The following GLIS3 variants were observed in gnomAD, a reference collection of about 807,000 sequenced individuals.
GLIS3 encodes the protein zinc finger protein GLIS3.
Under a neutral mutation model 78.6 loss-of-function variants are expected in GLIS3, and 53 were observed. The observed-to-expected ratio is 0.67, with a 90% confidence interval of 0.54 to 0.85. GLIS3 has a LOEUF of 0.85. Ranked by LOEUF, GLIS3 falls within the 40% of genes least tolerant of loss-of-function variation. GLIS3 has a pLI of 0.00. For synonymous variants in GLIS3, 684 were observed against 509.9 expected, an observed-to-expected ratio of 1.34 and a Z score of -4.60; for missense variants, 1,703 against 1,231.1, an observed-to-expected ratio of 1.38 and a Z score of -5.74.
chr9:4,163,105 TAAAG>T (rs1291042432), intron 2 of GLIS3, among the ~76,000 whole-genome samples: 1 of 151,968 alleles, frequency 6.6e-6, no homozygotes, highest in African/African-American at 2.4e-5. Flanking sequence ...CACTAGAAAA[TAAAG>T]AAACTCAAGT....
chr9:4,364,756 CTTTTTTT>C, the GLIS3 span, among the ~76,000 whole-genome samples: 55 of 61,104 alleles, frequency 9.0e-4, 1 homozygote, highest in East Asian at 3.6e-3. Context: ...TCATGTATTG[CTTTTTTT>C]TTTTTTTTTT....
At chr9:3,970,731 C>T (rs912112506) in intron 4 of GLIS3, among the ~76,000 whole-genome samples, 1 of 152,154 alleles carries the variant, frequency 6.6e-6, no homozygotes, top group Non-Finnish European at 1.5e-5. Context: ...ACCTCTCACT[C>T]AGCACAGTTC....
chr9:4,151,762 G>T (rs1223863999), intron 2 of GLIS3, among the ~76,000 whole-genome samples: 1 of 152,110 alleles, frequency 6.6e-6, no homozygotes, highest in Non-Finnish European at 1.5e-5. Flanking sequence ...AGAGTCCTGT[G>T]GCACAGAGAC....
At chr9:4,183,103 C>T (rs7040304) in intron 2 of GLIS3, among the ~76,000 whole-genome samples, 89,265 of 152,028 alleles carry the variant, frequency 0.59, 26,462 homozygotes, top group East Asian at 0.72. Context: ...CTGGAGAGGA[C>T]TGAAAAGACA....
the GLIS3 span, among the ~76,000 whole-genome samples, chr9:4,403,262 A>G: frequency 2.0e-5 from 3 of 152,322 alleles, no homozygotes; most frequent in African/African-American, 7.2e-5. Flanking sequence ...GACAAACAAA[A>G]GCTGAGGGAT....
At chr9:4,129,741 G>T (rs559103847) in intron 2 of GLIS3, among the ~76,000 whole-genome samples, 1 of 152,148 alleles carries the variant, frequency 6.6e-6, no homozygotes, top group African/African-American at 2.4e-5. Context: ...AGCAATGCGA[G>T]AACAGACTAA....
chr9:4,349,953 G>A (rs938551104), upstream of GLIS3, among the ~76,000 whole-genome samples: 1 of 152,206 alleles, frequency 6.6e-6, no homozygotes, highest in African/African-American at 2.4e-5. Flanking sequence ...TGCTGCAGAG[G>A]CTGTGGGTGG....
intron 9 of GLIS3, among the ~76,000 whole-genome samples, chr9:3,851,758 C>T: frequency 6.6e-6 from 1 of 152,240 alleles, no homozygotes; most frequent in East Asian, 1.9e-4. Context: ...ACAGCATCTA[C>T]ACACAGAGCA....
the GLIS3 span, among the ~76,000 whole-genome samples, chr9:4,388,744 T>C: frequency 2.0e-5 from 3 of 152,068 alleles, no homozygotes; most frequent in African/African-American, 7.2e-5. Flanking sequence ...TAGTACAATA[T>C]AAAATCATCT....
chr9:3,946,845 T>A (rs1056444154), intron 4 of GLIS3, among the ~76,000 whole-genome samples: 3 of 152,222 alleles, frequency 2.0e-5, no homozygotes, highest in Non-Finnish European at 4.4e-5. Flanking sequence ...TGAGCTAATA[T>A]GCTGTCAAAT....
At position 3,856,167 on chromosome 9, in the gene GLIS3, G is replaced by A; in HGVS notation, c.2315C>T (p.Pro772Leu). The A allele has an allele frequency of 3.7e-6, 6 of 1,613,928 alleles. No homozygotes were observed. The highest frequency in any genetic ancestry group is 1.3e-5 in the African/African-American group (1 of 75,024). Reference sequence around the variant, plus strand: ...CCGGGGGCTGATGTGGTGAGGAGATGGAGCAGAAGGTGCAAACCTGAGAAA... The same window carrying A: ...CCGGGGGCTGATGTGGTGAGGAGATAGAGCAGAAGGTGCAAACCTGAGAAA... ...AGAERFAPSA[P>L]SPHHISPRRV... The change falls in exon 9 of 11, where the codon CCA (proline) becomes CTA (leucine). Residue 772 changes from proline (P) to leucine (L), a missense_variant. Pro to Leu is a moderately conservative substitution (Grantham distance 98). Transcript: ENST00000381971.
intron 4 of GLIS3, among the ~76,000 whole-genome samples, chr9:4,027,056 C>A (rs1823407267): frequency 6.6e-6 from 1 of 152,146 alleles, no homozygotes; most frequent in African/African-American, 2.4e-5. Context: ...ACATGTCAAC[C>A]CTGCCCCATC....
chr9:4,406,301 G>A, the GLIS3 span, among the ~76,000 whole-genome samples: 1 of 152,196 alleles, frequency 6.6e-6, no homozygotes, highest in Non-Finnish European at 1.5e-5. Flanking sequence ...GTTTGCAGAT[G>A]AGCAGATGAT....
chr9:4,439,067 A>G, the GLIS3 span, among the ~76,000 whole-genome samples: 3 of 152,150 alleles, frequency 2.0e-5, no homozygotes, highest in Admixed American at 2.0e-4. Flanking sequence ...CTCACCACCT[A>G]GCATCTGTTG....
At chr9:4,202,471 T>A (rs941458779) in intron 2 of GLIS3, among the ~76,000 whole-genome samples, 1 of 151,342 alleles carries the variant, frequency 6.6e-6, no homozygotes, top group African/African-American at 2.4e-5. Flanking sequence ...AATAAATAAA[T>A]AAAATTCACG....
intron 9 of GLIS3, among the ~76,000 whole-genome samples, chr9:3,852,185 C>T (rs771090267): frequency 2.0e-5 from 3 of 151,460 alleles, no homozygotes; most frequent in Middle Eastern, 3.2e-3. Context: ...GAAATTTAGA[C>T]GTTTTGATAA....
the GLIS3 span, among the ~76,000 whole-genome samples, chr9:4,414,828 C>G: frequency 4.6e-5 from 7 of 152,062 alleles, no homozygotes; most frequent in African/African-American, 1.4e-4. Context: ...CAGATGATGT[C>G]TGATCACCCT....
intron 4 of GLIS3, among the ~76,000 whole-genome samples, chr9:4,032,629 G>A (rs980187543): frequency 6.6e-6 from 1 of 152,134 alleles, no homozygotes; most frequent in African/African-American, 2.4e-5. Context: ...CATACGCAAC[G>A]TGTCAAGTGA....
At chr9:4,197,844 A>C (rs1031631315) in intron 2 of GLIS3, among the ~76,000 whole-genome samples, 6 of 152,114 alleles carry the variant, frequency 3.9e-5, no homozygotes, top group African/African-American at 1.4e-4. Flanking sequence ...CCTGCCAACC[A>C]AAGTGCACAG....
Sources: allele counts gnomAD v4.1 joint callset (sites outside exome capture counted in the v4.1 genomes callset), GRCh38; gene constraint gnomAD v4.1.1; transcripts MANE v1.5; gene names NCBI Gene and HGNC (gene_info 2026-07-23, HGNC 2026-07-21).